The following RABGAP1L variants were observed in gnomAD, a reference collection of about 807,000 sequenced individuals.
The protein encoded by RABGAP1L is rab GTPase-activating protein 1-like.
A neutral mutation model predicts 137.7 loss-of-function variants in RABGAP1L; 63 were observed. The ratio of observed to expected loss-of-function variants is 0.46; its 90% CI spans 0.37 to 0.56. The LOEUF is 0.56. Ranked by LOEUF, RABGAP1L falls within the 20% of genes least tolerant of loss-of-function variation. The pLI is 0.00. For synonymous variants in RABGAP1L, 431 were observed against 433.7 expected (o/e 0.99, Z 0.08); for missense variants, 1,095 against 1,244.0 (o/e 0.88, Z 1.80).
intron 11 of RABGAP1L, among the ~76,000 whole-genome samples, chr1:174,349,330 G>A (rs1448704448): frequency 5.8e-5 from 7 of 121,292 alleles, no homozygotes; most frequent in East Asian, 2.4e-4. Flanking sequence ...CTCACCTCCC[G>A]GATGGGGCCA....
chr1:174,243,913 A>T (rs1399155452), intron 5 of RABGAP1L, among the ~76,000 whole-genome samples: 9 of 152,216 alleles, frequency 5.9e-5, no homozygotes, highest in Admixed American at 2.0e-4. Flanking sequence ...CTTACATATT[A>T]TAAAACACAA....
chr1:174,454,881 G>A (rs1472410588), intron 13 of RABGAP1L, among the ~76,000 whole-genome samples: 3 of 151,996 alleles, frequency 2.0e-5, no homozygotes, highest in Non-Finnish European at 4.4e-5. Context: ...CATCATTCAT[G>A]GCACCTTTCT....
At chr1:174,395,599 TTAAA>T (rs1198583131) in intron 13 of RABGAP1L, among the ~76,000 whole-genome samples, 2 of 152,090 alleles carry the variant, frequency 1.3e-5, no homozygotes, top group Non-Finnish European at 2.9e-5. Context: ...ATCAGAAACT[TTAAA>T]TATGTTTAAA....
chr1:174,730,123 CA>C (rs1217000582), intron 17 of RABGAP1L, among the ~76,000 whole-genome samples: 6 of 152,096 alleles, frequency 3.9e-5, no homozygotes, highest in African/African-American at 1.4e-4. Context: ...TTTGCAGCCA[CA>C]AAAAAGAACA....
intron 13 of RABGAP1L, among the ~76,000 whole-genome samples, chr1:174,580,206 A>G (rs1359026440): frequency 6.6e-6 from 1 of 152,234 alleles, no homozygotes; most frequent in Admixed American, 6.5e-5. Context: ...CAATCTAGAG[A>G]AGAGGAAATT....
chr1:174,811,741 T>C, intron 18 of RABGAP1L, 91 bp from the exon 19 acceptor site: 1 of 1,267,564 alleles, frequency 7.9e-7, no homozygotes, highest in Non-Finnish European at 1.0e-6. Context: ...GCTATAAAAG[T>C]ATATTCAAGA....
intron 4 of RABGAP1L, among the ~76,000 whole-genome samples, chr1:174,240,404 G>T (rs544420052): frequency 1.5e-4 from 23 of 152,270 alleles, no homozygotes; most frequent in African/African-American, 5.1e-4. Context: ...CCACCGCCAT[G>T]CCTGGCTGAT....
rs1161669217 is a variant in RABGAP1L at position 174,585,866 on chromosome 1, T to C, written c.1711-51509T>C. Among the ~76,000 whole-genome samples, 3 of 152,268 alleles carry C rather than the reference T, an allele frequency of 2.0e-5. No homozygotes were observed. In the South Asian group the frequency reaches 6.2e-4, roughly 32 times the overall value. On this transcript the variant is annotated intron_variant, in intron 13 of 25. Transcript: ENST00000681986. Reference sequence around the variant, plus strand: ...TTGTTTCAAAGGAAGTAGTGTATCATGTGTGCATGTCTATGTGTGTGTATT... The same window carrying C: ...TTGTTTCAAAGGAAGTAGTGTATCACGTGTGCATGTCTATGTGTGTGTATT...
intron 14 of RABGAP1L, among the ~76,000 whole-genome samples, chr1:174,668,043 A>G (rs1676914897): frequency 6.6e-6 from 1 of 152,158 alleles, no homozygotes; most frequent in Non-Finnish European, 1.5e-5. Flanking sequence ...TTTTTCCCCA[A>G]AACTGTTATT....
At chr1:174,569,591 C>G (rs1267521785) in intron 13 of RABGAP1L, among the ~76,000 whole-genome samples, 1 of 152,174 alleles carries the variant, frequency 6.6e-6, no homozygotes, top group East Asian at 1.9e-4. Flanking sequence ...AGAGGGCACT[C>G]TCATCCACAG....
chr1:174,318,505 A>C (rs1679609030), intron 11 of RABGAP1L, among the ~76,000 whole-genome samples: 1 of 151,804 alleles, frequency 6.6e-6, no homozygotes, highest in South Asian at 2.1e-4. Flanking sequence ...ATGTCTTTTG[A>C]TTGAAATACT....
At chr1:174,783,936 A>AT (rs1687239607) in intron 18 of RABGAP1L, among the ~76,000 whole-genome samples, 1 of 146,990 alleles carries the variant, frequency 6.8e-6, no homozygotes, top group African/African-American at 2.5e-5. Flanking sequence ...TCTCCATCTC[A>AT]TGACCTCATG....
At chr1:174,507,775 G>T (rs1327091117) in intron 13 of RABGAP1L, among the ~76,000 whole-genome samples, 1 of 152,164 alleles carries the variant, frequency 6.6e-6, no homozygotes, top group Non-Finnish European at 1.5e-5. Flanking sequence ...AAACCTGATG[G>T]TAGATAATAA....
At chr1:174,371,826 T>A (rs1685136112) in intron 12 of RABGAP1L, among the ~76,000 whole-genome samples, 1 of 152,170 alleles carries the variant, frequency 6.6e-6, no homozygotes, top group Non-Finnish European at 1.5e-5. Flanking sequence ...GAAGAAAGAA[T>A]AATTTAAACC....
At chr1:174,807,948 A>AAAC (rs10645289) in intron 18 of RABGAP1L, among the ~76,000 whole-genome samples, 116,875 of 141,006 alleles carry the variant, frequency 0.83, 52,441 homozygotes, top group East Asian at 0.99. Flanking sequence ...AAACAAAACA[A>AAAC]AACAACAACA....
chr1:174,901,060 A>G (rs538836233), intron 19 of RABGAP1L, among the ~76,000 whole-genome samples: 12 of 152,098 alleles, frequency 7.9e-5, no homozygotes, highest in African/African-American at 2.4e-4. Context: ...AAGCTCTGAA[A>G]TTCTTTCCCC....
rs550618377 is a variant in RABGAP1L at position 174,504,414 on chromosome 1, G to GA, written c.1710+110281dup. 8.3e-3 allele frequency among the ~76,000 whole-genome samples: 1,161 copies of GA among 140,468 alleles called. 8 individuals are homozygous for GA. Among genetic ancestry groups the GA allele is most frequent in the African/African-American group, 0.015 (572 of 39,394 alleles). 92.2% of individuals were successfully genotyped at this position (140,468 alleles called of 152,430 possible). A position where few individuals can be genotyped will look rare whatever the true frequency, so the allele number is the denominator to read the frequency against. The stretch of plus-strand genomic sequence containing the variant: ...CTGAATAGCCAAAGCAAACTTGAGG[G>GA]AAAAAAAAAAAACCAAACAAATAAA... On this transcript the variant is annotated intron_variant, in intron 13 of 25. Coordinates refer to ENST00000681986, the MANE Select transcript of RABGAP1L (RefSeq NM_001366446.1).
chr1:174,539,175 T>G (rs1665145254), intron 13 of RABGAP1L, among the ~76,000 whole-genome samples: 1 of 152,140 alleles, frequency 6.6e-6, no homozygotes. Context: ...TATATTTTCA[T>G]AGATAAATCA....
intron 13 of RABGAP1L, among the ~76,000 whole-genome samples, chr1:174,485,271 T>A (rs1207384563): frequency 2.6e-5 from 4 of 152,188 alleles, no homozygotes; most frequent in African/African-American, 7.2e-5. Context: ...AATGTAAGAT[T>A]ATATCATTTG....
Sources: gnomAD v4.1 joint callset for allele counts (sites outside exome capture counted in the v4.1 genomes callset) on GRCh38, gnomAD v4.1.1 for gene constraint, MANE v1.5 for transcripts, NCBI Gene and HGNC (gene_info 2026-07-23, HGNC 2026-07-21) for gene names.